The following PLEKHM2 variants were observed in gnomAD, a reference collection of about 807,000 sequenced individuals.
PLEKHM2 encodes pleckstrin homology domain-containing family M member 2.
In PLEKHM2, 77 loss-of-function variants were observed where a neutral mutation model predicts 116.3. The observed-to-expected ratio is 0.66, with a 90% confidence interval of 0.55 to 0.80. PLEKHM2 has a LOEUF of 0.80. Among genes scored for constraint, PLEKHM2 ranks in the 30% least tolerant of loss-of-function variants. The pLI is 0.00. For missense variants in PLEKHM2, 1,183 were observed against 1,354.9 expected (o/e 0.87, Z 1.99); for synonymous variants, 562 against 571.0 (o/e 0.98, Z 0.22).
In PLEKHM2 at chr1:15,729,242, A is replaced by G; in HGVS notation, c.2075+52A>G. The G allele has an allele frequency of 1.3e-6, 2 of 1,496,716 alleles. No homozygotes were observed. The highest frequency in any genetic ancestry group is 1.8e-6 in the Non-Finnish European group (2 of 1,090,112). 92.7% of individuals were successfully genotyped at this position (1,496,716 alleles called of 1,614,324 possible). On this transcript the variant is annotated intron_variant, in intron 13 of 19. Coordinates refer to ENST00000375799, the MANE Select transcript of PLEKHM2 (RefSeq NM_015164.4). This position sits in a 1 kb window ranked among gnomAD's most constrained non-coding sequence, Gnocchi z 4.7. ...AGGATTGGAGAGTTCGCAGCCGCCC[A>G]TAGGTGTGGGTGGCCTGGGGGTCAG...
intron 7 of PLEKHM2, among the ~76,000 whole-genome samples, chr1:15,722,336 GT>G (rs2068006124): frequency 6.6e-6 from 1 of 152,160 alleles, no homozygotes; most frequent in Non-Finnish European, 1.5e-5. Flanking sequence ...TAGAGACAGG[GT>G]TTCACCATGT....
At chr1:15,718,097 GC>G in intron 4 of PLEKHM2, 105 bp downstream of exon 4, 1 of 743,262 alleles carries the variant, frequency 1.3e-6, no homozygotes, top group Non-Finnish European at 2.3e-6. Context: ...CATCAGTGAT[GC>G]CAGAGAGCCA....
chr1:15,727,787 A>G lies in PLEKHM2; in HGVS notation c.1715A>G (p.Glu572Gly). 6.2e-7 allele frequency: 1 copy of G among 1,603,676 alleles called. No individual in the cohort carries two copies. The highest frequency in any genetic ancestry group is 8.5e-7 in the Non-Finnish European group (1 of 1,175,902). ...AGCGCTGAGGATTCTGGGGTGGATG[A>G]GGGACAGGGGAGCCCTTCGGAGATG... Reference protein sequence around the residue: ...LSSAEDSGVDEGQGSPSEMVH... With the variant: ...LSSAEDSGVDGGQGSPSEMVH... Residue 572 changes from glutamate to glycine, a missense_variant, in exon 9 of 20, where the codon GAG becomes GGG. Coordinates refer to ENST00000375799, the MANE Select transcript of PLEKHM2 (RefSeq NM_015164.4). The surrounding 1 kb of genome is among the most constrained non-coding windows in gnomAD (Gnocchi z 7.5).
chr1:15,688,882 A>G (rs1293301258), intron 1 of PLEKHM2, among the ~76,000 whole-genome samples: 1 of 152,082 alleles, frequency 6.6e-6, no homozygotes, highest in African/African-American at 2.4e-5. Flanking sequence ...TGATTTTCCC[A>G]AGTTCTGTTT....
chr1:15,684,662 GC>G, intron 1 of PLEKHM2, 44 bp downstream of exon 1: 16 of 927,524 alleles, frequency 1.7e-5, no homozygotes, highest in Admixed American at 5.0e-5. Flanking sequence ...TCCTCGCCGC[GC>G]CCCCCACGCC....
chr1:15,732,520 C>T lies in PLEKHM2; in HGVS notation c.2796C>T (p.Tyr932=). 6.2e-7 allele frequency: 1 copy of T among 1,610,016 alleles called. No homozygotes were observed. Among genetic ancestry groups the T allele is most frequent in the Non-Finnish European group, 8.5e-7 (1 of 1,178,444 alleles). ...SAVSTEPGKE[Y]CVLEFSQDSQ... ...TCTCCACCGAGCCGGGCAAGGAGTACTGCGTCTTGGTGAGCTTTGAGTGGG... is the reference window on the plus strand; with the variant it reads ...TCTCCACCGAGCCGGGCAAGGAGTATTGCGTCTTGGTGAGCTTTGAGTGGG... The change falls in exon 18 of 20, where the codon TAC becomes TAT. Residue 932 remains tyrosine (Y), a synonymous_variant. Transcript: ENST00000375799.
chr1:15,690,856 T>C (rs1049706128), intron 1 of PLEKHM2, among the ~76,000 whole-genome samples: 2 of 152,192 alleles, frequency 1.3e-5, no homozygotes, highest in Non-Finnish European at 2.9e-5. Flanking sequence ...CTCATGGAGC[T>C]GACATTCTAG....
At chr1:15,730,456 AG>A in intron 14 of PLEKHM2, 75 bp from the exon 15 acceptor site, 2 of 1,245,996 alleles carry the variant, frequency 1.6e-6, no homozygotes, top group Admixed American at 2.9e-5. Context: ...AGAAAAAAAA[AG>A]AACCAGTCCG....
chr1:15,696,724 A>G (rs994341173), intron 1 of PLEKHM2, among the ~76,000 whole-genome samples: 2 of 152,210 alleles, frequency 1.3e-5, no homozygotes, highest in Non-Finnish European at 2.9e-5. Context: ...AGCAAATCCT[A>G]CCAAGCTCCT....
chr1:15,685,246 C>T (rs936560353), intron 1 of PLEKHM2, among the ~76,000 whole-genome samples: 2 of 152,202 alleles, frequency 1.3e-5, no homozygotes, highest in Non-Finnish European at 2.9e-5. Flanking sequence ...TGCTGTGGGG[C>T]TTGCCGCAGT....
At position 15,684,448 on chromosome 1, in the gene PLEKHM2, C is replaced by A; in HGVS notation, c.-111C>A. On this transcript the variant is annotated 5_prime_UTR_variant, in exon 1 of 20. Transcript: ENST00000375799. The stretch of plus-strand genomic sequence containing the variant: ...CCCCGCGGCCGGCACGACGGAGCCC[C>A]CGTACGGCCGGCGGCAGCGGTTGGC... The A allele has an allele frequency of 1.9e-6, 1 of 526,952 alleles. No individual in the cohort carries two copies. The highest frequency in any genetic ancestry group is 2.4e-6 in the Non-Finnish European group (1 of 413,090). The allele number at this position is 526,952 out of a possible 1,614,324, so 32.6% of individuals were successfully genotyped here. A position where few individuals can be genotyped will look rare whatever the true frequency, so the allele number is the denominator to read the frequency against.
At chr1:15,732,128 G>A (rs2068153327) in intron 17 of PLEKHM2, 80 bp downstream of exon 17, 3 of 1,379,004 alleles carry the variant, frequency 2.2e-6, no homozygotes, top group Non-Finnish European at 1.0e-6. Flanking sequence ...TAAACCCATA[G>A]TCACAGAGCA....
In PLEKHM2 at chr1:15,718,213, A is replaced by G. The variant is rs891112167; in HGVS notation, c.377+221A>G. 7.2e-5 allele frequency among the ~76,000 whole-genome samples: 11 copies of G among 152,330 alleles called. No homozygotes were observed. In the East Asian group the frequency reaches 2.1e-3, roughly 29 times the overall value. On this transcript the variant is annotated intron_variant, in intron 4 of 19. Coordinates refer to ENST00000375799, the MANE Select transcript of PLEKHM2 (RefSeq NM_015164.4). ...TCTGCTGCTCCCTGGTCCTCCTCCC[A>G]GGCTTCAGACCTGACCAGTGCCCAT...
At chr1:15,707,269 CA>C (rs34649127) in intron 1 of PLEKHM2, among the ~76,000 whole-genome samples, 203 of 138,210 alleles carry the variant, frequency 1.5e-3, no homozygotes, top group Admixed American at 2.3e-3. Flanking sequence ...AAAAAAAATA[CA>C]AAAAAAAAAA....
chr1:15,707,739 T>C (rs1223365908), intron 1 of PLEKHM2, among the ~76,000 whole-genome samples: 1 of 152,176 alleles, frequency 6.6e-6, no homozygotes, highest in Admixed American at 6.5e-5. Context: ...ACTCGGGAGA[T>C]GCCAGTGTGG....
At chr1:15,726,771 C>T (rs2148370894) in intron 8 of PLEKHM2, among the ~76,000 whole-genome samples, 1 of 152,306 alleles carries the variant, frequency 6.6e-6, no homozygotes, top group Non-Finnish European at 1.5e-5. Context: ...CCTCTGGCTG[C>T]AGCCATCTGT....
At chr1:15,705,170 C>CT (rs71306988) in intron 1 of PLEKHM2, among the ~76,000 whole-genome samples, 1,466 of 74,082 alleles carry the variant, frequency 0.02, 181 homozygotes, top group Non-Finnish European at 0.029. Flanking sequence ...ACGTAGATAT[C>CT]TTTTTTTTTT....
Position 15,719,889 on chromosome 1 carries a change from G to T in PLEKHM2, c.621G>T (p.Trp207Cys). 6.2e-7 allele frequency: 1 copy of T among 1,613,608 alleles called. No homozygotes were observed. The highest frequency in any genetic ancestry group is 8.5e-7 in the Non-Finnish European group (1 of 1,179,728). ...FNSVTSTNLE[W>C]DDSAIAPSSE... ...CCGTCACCTCCACCAACCTGGAGTG[G>T]GATGACAGTGCGATTGCCCCATCTA... Residue 207 changes from tryptophan to cysteine, a missense_variant, in exon 6 of 20, where the codon TGG becomes TGT. Coordinates refer to ENST00000375799, the MANE Select transcript of PLEKHM2 (RefSeq NM_015164.4). This position sits in a 1 kb window ranked among gnomAD's most constrained non-coding sequence, Gnocchi z 4.1.
chr1:15,729,973 A>G lies in PLEKHM2; in HGVS notation c.2208+44A>G. ...AGCTGAGTGCAGCCCCTGAGATGGCAGAGCAGCAGCCGCCTTGGCGTGAGC... is the reference window on the plus strand; with the variant it reads ...AGCTGAGTGCAGCCCCTGAGATGGCGGAGCAGCAGCCGCCTTGGCGTGAGC... On this transcript the variant is annotated intron_variant, in intron 14 of 19. Transcript: ENST00000375799. This position sits in a 1 kb window ranked among gnomAD's most constrained non-coding sequence, Gnocchi z 4.7. 1 of 1,521,312 alleles carries G rather than the reference A, an allele frequency of 6.6e-7. No individual in the cohort carries two copies. Among genetic ancestry groups the G allele is most frequent in the Non-Finnish European group, 8.9e-7 (1 of 1,128,672 alleles). 94.2% of individuals were successfully genotyped at this position (1,521,312 alleles called of 1,614,324 possible). A position where few individuals can be genotyped will look rare whatever the true frequency, so the allele number is the denominator to read the frequency against.
Sources: gnomAD v4.1 joint callset for allele counts (sites outside exome capture counted in the v4.1 genomes callset) on GRCh38, gnomAD v4.1.1 for gene constraint, Gnocchi (gnomAD v3.1) non-coding constraint, MANE v1.5 for transcripts, NCBI Gene and HGNC (gene_info 2026-07-23, HGNC 2026-07-21) for gene names.